Variants in NID1 observed in about 807,000 individuals in gnomAD.
NID1 encodes the protein nidogen 1.
NID1 carries 76 observed loss-of-function variants against 130.6 expected under a neutral mutation model. That is an observed-to-expected ratio of 0.58 (90% CI 0.48 to 0.70). The LOEUF is 0.70. NID1 is among the 30% of genes least tolerant of loss of function. NID1 has a pLI of 0.00. For missense variants in NID1, 1,517 were observed against 1,664.8 expected, an observed-to-expected ratio of 0.91 and a Z score of 1.54; for synonymous variants, 665 against 675.1, an observed-to-expected ratio of 0.98 and a Z score of 0.23.
chr1:236,022,771 A>C lies in NID1; in HGVS notation c.2128+1299T>G, dbSNP rs192125182. Among the ~76,000 whole-genome samples the C allele has an allele frequency of 3.4e-3, 513 of 151,772 alleles. 5 individuals carry two copies. Among genetic ancestry groups the C allele is most frequent in the African/African-American group, 0.012 (482 of 41,400 alleles). On this transcript the variant is annotated intron_variant, in intron 9 of 19. Coordinates refer to ENST00000264187, the MANE Select transcript of NID1 (RefSeq NM_002508.3). ...ATTGTGGTGGTTCCTCAAAAAATTA[A>C]AGATGGAAAGGCCAGGCGTGGCAGC...
intron 9 of NID1, among the ~76,000 whole-genome samples, chr1:236,019,283 A>G (rs1384298036): frequency 6.6e-6 from 1 of 152,248 alleles, no homozygotes; most frequent in Non-Finnish European, 1.5e-5. Flanking sequence ...TCCTGTGTCC[A>G]CTGCCTCTGT....
In NID1 at chr1:236,038,682, GTTATATAGGTCATATATAATATATATT is replaced by G. The variant is rs1558443211; in HGVS notation, c.1136-456_1136-430del. Among the ~76,000 whole-genome samples the G allele has an allele frequency of 4.9e-4, 69 of 140,066 alleles. 6 individuals carry two copies. In the South Asian group the frequency reaches 7.0e-3, roughly 14 times the overall value. 91.9% of individuals were successfully genotyped at this position (140,066 alleles called of 152,430 possible). ...AACATATATAATATATATTACCTATGTTATATAGGTCATATATAATATATATTACCTATGTTATATAGGTCATATATA... is the reference window on the plus strand; with the variant it reads ...AACATATATAATATATATTACCTATGACCTATGTTATATAGGTCATATATA... On this transcript the variant is annotated intron_variant, in intron 4 of 19. Transcript: ENST00000264187.
intron 10 of NID1, among the ~76,000 whole-genome samples, chr1:236,014,453 C>T (rs1572596491): frequency 6.6e-6 from 1 of 152,080 alleles, no homozygotes; most frequent in East Asian, 1.9e-4. Flanking sequence ...GCCTTAGGAA[C>T]CCCAGAGTAA....
Position 236,029,717 on chromosome 1 carries a change from A to G in NID1, c.1571T>C (p.Phe524Ser). 6.2e-7 allele frequency: 1 copy of G among 1,614,106 alleles called. No homozygotes were observed. Among genetic ancestry groups the G allele is most frequent in the Non-Finnish European group, 8.5e-7 (1 of 1,180,028 alleles). ...GACCAGATTGCCCGGGTGCCCCACG[A>G]AGGTCACCTCAGCCTGGCGAGTGAA... ...GEFTRQAEVT[F>S]VGHPGNLVIK... The change falls in exon 7 of 20, where the codon TTC becomes TCC. Residue 524 changes from phenylalanine to serine, a missense_variant. Phe to Ser is a radical substitution (Grantham distance 155). Around this residue, in one of 3 missense-constraint regions of NID1, gnomAD observed 1,329 missense variants for 1,429.2 expected, o/e 0.93. Coordinates refer to ENST00000264187, the MANE Select transcript of NID1 (RefSeq NM_002508.3).
At chr1:236,059,933 C>T (rs1659995464) in intron 1 of NID1, among the ~76,000 whole-genome samples, 1 of 151,972 alleles carries the variant, frequency 6.6e-6, no homozygotes, top group South Asian at 2.1e-4. Context: ...AACCCCGTCT[C>T]TACTAAAAAT....
Position 236,051,974 on chromosome 1 carries a change from C to T in NID1, c.226-2985G>A, listed in dbSNP as rs555347859. Among the ~76,000 whole-genome samples the T allele has an allele frequency of 3.7e-4, 57 of 152,320 alleles. 1 individual carries two copies. In the South Asian group the frequency reaches 7.7e-3, roughly 20 times the overall value. On this transcript the variant is annotated intron_variant, in intron 1 of 19. Coordinates refer to ENST00000264187, the MANE Select transcript of NID1 (RefSeq NM_002508.3). ...GCAGCACTGCAAATGCTTTGGACAACGGTCATATAACCCTCATTAGTATTT... is the reference window on the plus strand; with the variant it reads ...GCAGCACTGCAAATGCTTTGGACAATGGTCATATAACCCTCATTAGTATTT...
At chr1:236,025,767 TCCTGCCA>T in intron 8 of NID1, 122 bp downstream of exon 8, 1 of 1,293,464 alleles carries the variant, frequency 7.7e-7, no homozygotes, top group Admixed American at 2.3e-5. Flanking sequence ...ATTCTTTTTT[TCCTGCCA>T]GAAGATACTT....
At chr1:236,042,396 A>T (rs1659480153) in intron 3 of NID1, 104 bp from the exon 4 acceptor site, 1 of 1,409,178 alleles carries the variant, frequency 7.1e-7, no homozygotes, top group Admixed American at 2.0e-5. Flanking sequence ...TCTGCAAGCC[A>T]TCACCTGCAG....
chr1:236,028,443 G>A (rs376110970), intron 7 of NID1, among the ~76,000 whole-genome samples: 2 of 152,156 alleles, frequency 1.3e-5, no homozygotes, highest in Admixed American at 6.5e-5. Flanking sequence ...AGGAGGTTGA[G>A]GCTGCAGTGA....
chr1:236,021,839 A>G (rs545898089), intron 9 of NID1, among the ~76,000 whole-genome samples: 13 of 152,346 alleles, frequency 8.5e-5, no homozygotes, highest in African/African-American at 2.9e-4. Flanking sequence ...GTAGATTACA[A>G]TTTAGTAACA....
At chr1:236,008,587 G>A (rs1031751713) in intron 12 of NID1, among the ~76,000 whole-genome samples, 15 of 152,012 alleles carry the variant, frequency 9.9e-5, no homozygotes, top group Admixed American at 2.6e-4. Flanking sequence ...TGTGACCTCC[G>A]CCTCCTGGGC....
chr1:236,046,389 T>C (rs1184324859), intron 2 of NID1, among the ~76,000 whole-genome samples: 1 of 152,084 alleles, frequency 6.6e-6, no homozygotes, highest in Admixed American at 6.5e-5. Context: ...TTGGATTCTG[T>C]AATCGAAACA....
chr1:235,980,733 A>G, intron 16 of NID1, 80 bp from the exon 17 acceptor site: 3 of 1,432,300 alleles, frequency 2.1e-6, no homozygotes, highest in South Asian at 2.5e-5. Flanking sequence ...ACACTTGAAA[A>G]GAATTACAAT....
At chr1:235,983,295 G>A (rs973980129) in intron 15 of NID1, among the ~76,000 whole-genome samples, 2 of 152,188 alleles carry the variant, frequency 1.3e-5, no homozygotes, top group Non-Finnish European at 2.9e-5. Context: ...AGAGCCCCCA[G>A]AAAGAAAGCC....
intron 3 of NID1, among the ~76,000 whole-genome samples, chr1:236,043,722 C>T (rs560546920): frequency 5.3e-5 from 8 of 152,100 alleles, no homozygotes; most frequent in East Asian, 3.9e-4. Flanking sequence ...GGCGTGAACC[C>T]GGGAGGCAGA....
At chr1:236,025,432 T>C (rs1658899017) in intron 8 of NID1, among the ~76,000 whole-genome samples, 1 of 151,916 alleles carries the variant, frequency 6.6e-6, no homozygotes, top group Admixed American at 6.6e-5. Flanking sequence ...TGGCTAATTT[T>C]TGTATTTTTA....
intron 10 of NID1, among the ~76,000 whole-genome samples, chr1:236,016,611 T>C (rs1658601920): frequency 6.6e-6 from 1 of 152,178 alleles, no homozygotes; most frequent in Non-Finnish European, 1.5e-5. Flanking sequence ...AGCAAGAGCA[T>C]AATTAACCTA....
At position 236,041,918 on chromosome 1, in the gene NID1, G is replaced by A; in HGVS notation, c.1127C>T (p.Thr376Ile). The change falls in exon 4 of 20, where the codon ACA becomes ATA. Residue 376 changes from threonine (T) to isoleucine (I), a missense_variant. Transcript: ENST00000264187. ...AACTTAAATGGTCTTACCAACTCCTGTTTCCTCAACTTCATCCACATCTAT... is the reference window on the plus strand; with the variant it reads ...AACTTAAATGGTCTTACCAACTCCTATTTCCTCAACTTCATCCACATCTAT... ...QVIDVDEVEETGVVFSYNTDS... is the reference protein window; with the variant it reads ...QVIDVDEVEEIGVVFSYNTDS... 2 of 1,605,428 alleles carry A rather than the reference G, an allele frequency of 1.2e-6. No individual in the cohort carries two copies. The highest frequency in any genetic ancestry group is 1.1e-5 in the South Asian group (1 of 90,696).
At position 235,993,688 on chromosome 1, in the gene NID1, G is replaced by T. The variant is rs1044521856; in HGVS notation, c.2712C>A (p.Arg904=). 8 of 1,589,380 alleles carry T rather than the reference G, an allele frequency of 5.0e-6. No homozygotes were observed. The African/African-American group carries it at 1.1e-4, about 21-fold the overall frequency. Residue 904 remains arginine, a synonymous_variant, in exon 13 of 20, where the codon CGC becomes CGA. Coordinates refer to ENST00000264187, the MANE Select transcript of NID1 (RefSeq NM_002508.3). ...GYCWCVDRDG[R]EVEGTRTRPG... The stretch of plus-strand genomic sequence containing the variant: ...GCCTGGTCCTGGTGCCCTCCACCTC[G>T]CGGCCGTCGCGATCCACGCACCAGC...
Sources: gnomAD v4.1 joint callset for allele counts (sites outside exome capture counted in the v4.1 genomes callset) on GRCh38, gnomAD v4.1.1 for gene constraint, gnomAD v4.1.1 regional missense constraint, MANE v1.5 for transcripts, NCBI Gene and HGNC (gene_info 2026-07-23, HGNC 2026-07-21) for gene names.